DLG2: variants seen among roughly 807,000 people sequenced by gnomAD.
DLG2 encodes disks large homolog 2.
A neutral mutation model predicts 132.5 loss-of-function variants in DLG2; 45 were observed. The observed-to-expected ratio is 0.34, with a 90% CI of 0.27 to 0.44. The LOEUF (loss-of-function observed/expected upper bound fraction) is 0.44. Ranked by LOEUF, DLG2 falls within the 20% of genes least tolerant of loss-of-function variation. DLG2 has a pLI of 1.00. For missense variants in DLG2, 1,045 were observed against 1,196.9 expected (o/e 0.87, Z 1.87); for synonymous variants, 424 against 419.6 (o/e 1.01, Z -0.13).
intron 3 of DLG2, among the ~76,000 whole-genome samples, chr11:85,321,160 T>C (rs918044905): frequency 4.6e-5 from 7 of 151,916 alleles, no homozygotes; most frequent in Admixed American, 1.3e-4. Flanking sequence ...ATTTTGAAGA[T>C]AGGGAGAAAG....
At chr11:84,711,512 T>C (rs1442086381) in intron 6 of DLG2, among the ~76,000 whole-genome samples, 2 of 138,386 alleles carry the variant, frequency 1.4e-5, no homozygotes, top group Admixed American at 1.7e-4. Context: ...AGAGCCAACA[T>C]GCAGTTCCAA....
chr11:84,447,366 C>T, intron 7 of DLG2, among the ~76,000 whole-genome samples: 1 of 152,022 alleles, frequency 6.6e-6, no homozygotes, highest in East Asian at 1.9e-4. Context: ...AAGACAAAAT[C>T]ACAATAGTCT....
At chr11:84,640,204 T>C in intron 6 of DLG2, 1 of 282,958 alleles carries the variant, frequency 3.5e-6, no homozygotes, top group Non-Finnish European at 6.8e-6. Flanking sequence ...TCTGTACTCT[T>C]TGTAGTCATG....
intron 7 of DLG2, among the ~76,000 whole-genome samples, chr11:84,364,419 A>T (rs1204069191): frequency 6.6e-6 from 1 of 152,122 alleles, no homozygotes; most frequent in East Asian, 1.9e-4. Flanking sequence ...GGCTGAGACG[A>T]TGGGGTTTTC....
chr11:84,434,641 T>A (rs1000691511), intron 7 of DLG2, among the ~76,000 whole-genome samples: 3 of 152,164 alleles, frequency 2.0e-5, no homozygotes, highest in Non-Finnish European at 2.9e-5. Context: ...TTACTATCAT[T>A]AATATTATTA....
In DLG2 at chr11:85,146,227, C is replaced by CT. The variant is rs1555384682; in HGVS notation, c.282+8328_282+8329insA. On this transcript the variant is annotated intron_variant, in intron 5 of 27. Transcript: ENST00000376104. ...AAGTCTGTCTGTATGTCTGTTTCTC[C>CT]CTCTCTCTCTCTCTCTCTCTCTCTC... is the stretch of plus-strand genomic sequence containing the variant. Among the ~76,000 whole-genome samples the CT allele has an allele frequency of 5.1e-3, 659 of 129,198 alleles. 3 individuals carry two copies. The highest frequency in any genetic ancestry group is 0.016 in the Middle Eastern group (4 of 250). The allele number at this position is 129,198 out of a possible 152,430, so 84.8% of individuals were successfully genotyped here. A position where few individuals can be genotyped will look rare whatever the true frequency, so the allele number is the denominator to read the frequency against.
At chr11:85,207,532 G>T (rs2081977735) in intron 4 of DLG2, among the ~76,000 whole-genome samples, 1 of 152,058 alleles carries the variant, frequency 6.6e-6, no homozygotes, top group African/African-American at 2.4e-5. Flanking sequence ...GTTACCAGTG[G>T]GTAAGTTCAA....
chr11:84,529,550 CAA>C (rs1284523046), intron 7 of DLG2, among the ~76,000 whole-genome samples: 1 of 152,066 alleles, frequency 6.6e-6, no homozygotes, highest in African/African-American at 2.4e-5. Flanking sequence ...ACAATAGCCA[CAA>C]AAAGAATAAA....
intron 16 of DLG2, among the ~76,000 whole-genome samples, chr11:83,850,429 A>C (rs962644318): frequency 6.6e-6 from 1 of 152,180 alleles, no homozygotes; most frequent in Non-Finnish European, 1.5e-5. Flanking sequence ...CTGGGATTAC[A>C]GTCATGAGCC....
intron 11 of DLG2, among the ~76,000 whole-genome samples, chr11:84,013,499 G>A (rs970774405): frequency 6.6e-5 from 10 of 152,206 alleles, no homozygotes; most frequent in African/African-American, 2.2e-4. Flanking sequence ...ATTGCAGAAC[G>A]TTATTGAAGT....
chr11:85,601,650 G>A (rs1250864721), intron 2 of DLG2, among the ~76,000 whole-genome samples: 2 of 152,044 alleles, frequency 1.3e-5, no homozygotes, highest in Admixed American at 6.6e-5. Flanking sequence ...TAACATTTTT[G>A]AAATGGCTGT....
chr11:84,573,482 A>G (rs1271324669), intron 6 of DLG2, among the ~76,000 whole-genome samples: 3 of 152,180 alleles, frequency 2.0e-5, no homozygotes, highest in African/African-American at 7.2e-5. Flanking sequence ...TAAATAGGAT[A>G]CCAAAAAGGA....
chr11:85,377,851 A>ATG (rs1219490385), intron 3 of DLG2, among the ~76,000 whole-genome samples: 6 of 149,678 alleles, frequency 4.0e-5, no homozygotes, highest in Non-Finnish European at 7.4e-5. Context: ...GTATACATAT[A>ATG]TGTGTGTGTA....
At chr11:83,474,664 A>G (rs1053553821) in intron 22 of DLG2, among the ~76,000 whole-genome samples, 2 of 152,126 alleles carry the variant, frequency 1.3e-5, no homozygotes, top group African/African-American at 4.8e-5. Flanking sequence ...AGTGCTTAAC[A>G]TAAAGAAAGA....
chr11:84,971,659 T>G (rs1297494793), intron 6 of DLG2, among the ~76,000 whole-genome samples: 1 of 152,184 alleles, frequency 6.6e-6, no homozygotes, highest in East Asian at 1.9e-4. Flanking sequence ...GGATAACTTT[T>G]TTTTCAATGT....
intron 21 of DLG2, among the ~76,000 whole-genome samples, chr11:83,485,670 G>A (rs2093453445): frequency 6.6e-6 from 1 of 152,174 alleles, no homozygotes. Context: ...ACACCTGTTT[G>A]GATGTGCGCT....
At chr11:84,349,636 C>A (rs1047543408) in intron 7 of DLG2, among the ~76,000 whole-genome samples, 1 of 152,180 alleles carries the variant, frequency 6.6e-6, no homozygotes, top group Non-Finnish European at 1.5e-5. Flanking sequence ...TAAATACAGG[C>A]ATCCTTCACA....
rs3068471 is a variant in DLG2 at position 85,520,515 on chromosome 11, CCACA to C, written c.40+78138_40+78141del. Among the ~76,000 whole-genome samples, 1,156 of 148,130 alleles carry C rather than the reference CCACA, an allele frequency of 7.8e-3. 17 individuals are homozygous for C. Among genetic ancestry groups the C allele is most frequent in the African/African-American group, 0.028 (1,125 of 40,090 alleles). ...AAATAGTCCTAAAATGTATATGGAA[CCACA>C]CACACACACACACACACACACAAAG... On this transcript the variant is annotated intron_variant, in intron 3 of 27. Coordinates refer to ENST00000376104, the MANE Select transcript of DLG2 (RefSeq NM_001142699.3).
At chr11:84,804,379 C>T (rs1340551170) in intron 6 of DLG2, among the ~76,000 whole-genome samples, 1 of 152,106 alleles carries the variant, frequency 6.6e-6, no homozygotes, top group Non-Finnish European at 1.5e-5. Context: ...AAAGGAAAAC[C>T]CACGTACTTC....
Sources: allele counts gnomAD v4.1 joint callset (sites outside exome capture counted in the v4.1 genomes callset), GRCh38; gene constraint gnomAD v4.1.1; transcripts MANE v1.5; gene names NCBI Gene and HGNC (gene_info 2026-07-23, HGNC 2026-07-21).